Variants in MAN2A1 observed in about 807,000 individuals in gnomAD.
The protein encoded by MAN2A1 is mannosidase alpha class 2A member 1, also known as alpha-mannosidase 2.
Under a neutral mutation model 142.6 loss-of-function variants are expected in MAN2A1, and 76 were observed. The ratio of observed to expected loss-of-function variants is 0.53; its 90% CI spans 0.44 to 0.65. MAN2A1 has a LOEUF of 0.65. Among genes scored for constraint, MAN2A1 ranks in the 30% least tolerant of loss-of-function variants. The probability of loss-of-function intolerance (pLI) is 0.00; values close to 1 mark genes in which losing one functional copy is unlikely to be tolerated. For synonymous variants in MAN2A1, 559 were observed against 473.2 expected (o/e 1.18, Z -2.35); for missense variants, 1,311 against 1,365.1 (o/e 0.96, Z 0.62).
At chr5:109,792,607 A>C (rs981097211) in intron 12 of MAN2A1, among the ~76,000 whole-genome samples, 1 of 152,144 alleles carries the variant, frequency 6.6e-6, no homozygotes, top group African/African-American at 2.4e-5. Flanking sequence ...CTAAAACTTA[A>C]TGTCTTAAAT....
At chr5:109,794,930 A>G (rs959902380) in intron 12 of MAN2A1, among the ~76,000 whole-genome samples, 1 of 151,910 alleles carries the variant, frequency 6.6e-6, no homozygotes, top group Non-Finnish European at 1.5e-5. Context: ...ATCCAGAAGC[A>G]CTTTTCATCT....
intron 12 of MAN2A1, among the ~76,000 whole-genome samples, chr5:109,796,637 C>A (rs1024495365): frequency 1.2e-4 from 19 of 152,134 alleles, no homozygotes; most frequent in Non-Finnish European, 4.4e-5. Context: ...AAGGAAATTG[C>A]TGTTGGTGGT....
chr5:109,741,864 C>T (rs1181934079), intron 4 of MAN2A1, among the ~76,000 whole-genome samples: 1 of 152,138 alleles, frequency 6.6e-6, no homozygotes, highest in Non-Finnish European at 1.5e-5. Context: ...AATCATAGTA[C>T]CTACTGGTAA....
chr5:109,774,537 T>C (rs13163089), intron 7 of MAN2A1, among the ~76,000 whole-genome samples: 26,353 of 152,010 alleles, frequency 0.17, 3,261 homozygotes, highest in East Asian at 0.64. Flanking sequence ...AGATAATCCA[T>C]TGGAAACCTA....
intron 19 of MAN2A1, among the ~76,000 whole-genome samples, chr5:109,852,192 G>T (rs2416222): frequency 0.69 from 104,738 of 151,476 alleles, 37,206 homozygotes; most frequent in East Asian, 0.9. Flanking sequence ...CAAAATGTGT[G>T]ATCTACAAAT....
Position 109,767,837 on chromosome 5 carries a change from C to G in MAN2A1, c.1009+129C>G, listed in dbSNP as rs1753035055. 3 of 689,748 alleles carry G rather than the reference C, an allele frequency of 4.3e-6. No individual in the cohort carries two copies. In the South Asian group the frequency reaches 6.6e-5, roughly 15 times the overall value. 42.7% of individuals were successfully genotyped at this position (689,748 alleles called of 1,614,324 possible). On this transcript the variant is annotated intron_variant, in intron 6 of 21. Coordinates refer to ENST00000261483, the MANE Select transcript of MAN2A1 (RefSeq NM_002372.4). ...AAATCAGGTGGCCTAAAGATAGTCA[C>G]TCTCGTAATTATTTTTCCCATGTGC...
At chr5:109,745,855 G>C (rs1356894200) in intron 4 of MAN2A1, among the ~76,000 whole-genome samples, 3 of 152,198 alleles carry the variant, frequency 2.0e-5, no homozygotes, top group Non-Finnish European at 1.5e-5. Context: ...GGCCTGAGGT[G>C]ATCCTCCTGC....
chr5:109,781,190 T>G (rs1753445974), intron 8 of MAN2A1, among the ~76,000 whole-genome samples: 1 of 152,164 alleles, frequency 6.6e-6, no homozygotes, highest in African/African-American at 2.4e-5. Context: ...AAGTTTTCCC[T>G]TAGTTTAATT....
chr5:109,846,915 A>G (rs1462748712), intron 18 of MAN2A1, among the ~76,000 whole-genome samples: 1 of 152,212 alleles, frequency 6.6e-6, no homozygotes, highest in African/African-American at 2.4e-5. Flanking sequence ...AGGGAGGGTT[A>G]GAGACTTGAG....
At chr5:109,804,213 A>T (rs924084664) in intron 12 of MAN2A1, 1 of 987,082 alleles carries the variant, frequency 1.0e-6, no homozygotes, top group African/African-American at 1.7e-5. Flanking sequence ...AGGTATCCTG[A>T]TCCTGAAAAA....
intron 6 of MAN2A1, among the ~76,000 whole-genome samples, chr5:109,769,011 C>A (rs1561502434): frequency 6.6e-6 from 1 of 151,998 alleles, no homozygotes; most frequent in Non-Finnish European, 1.5e-5. Context: ...CGGATACAGC[C>A]AAATGTAGCA....
rs978034375 is a variant in MAN2A1, at chr5:109,781,701, G to T, written c.1577+103G>T. The T allele has an allele frequency of 5.8e-6, 4 of 683,900 alleles. No individual in the cohort carries two copies. In the South Asian group the frequency reaches 1.3e-4, roughly 23 times the overall value. 42.4% of individuals were successfully genotyped at this position (683,900 alleles called of 1,614,324 possible). A position where few individuals can be genotyped will look rare whatever the true frequency, so the allele number is the denominator to read the frequency against. ...ATACATCATTCATGTAGTACATTAT[G>T]TAGTGTTAAGCTCTAATTAAGCACT... On this transcript the variant is annotated intron_variant, in intron 9 of 21. Coordinates refer to ENST00000261483, the MANE Select transcript of MAN2A1 (RefSeq NM_002372.4).
intron 7 of MAN2A1, among the ~76,000 whole-genome samples, chr5:109,771,346 A>C (rs975819739): frequency 2.0e-5 from 3 of 152,196 alleles, no homozygotes; most frequent in Non-Finnish European, 4.4e-5. Flanking sequence ...TTTATTTTCA[A>C]AAGAGAAGTC....
chr5:109,784,918 T>C lies in MAN2A1; in HGVS notation c.1752T>C (p.Tyr584=). ...GTAKDWVVVD[Y]GTRLFHSLMV... is the part of the protein sequence containing the mutation. ...CAAAAGACTGGGTGGTTGTGGATTA[T>C]GGTACCAGGTAATCTAATTATAGAA... The change falls in exon 10 of 22, where the codon TAT becomes TAC. Residue 584 remains tyrosine, a synonymous_variant. Transcript: ENST00000261483. 6.3e-7 allele frequency: 1 copy of C among 1,579,404 alleles called. No individual in the cohort carries two copies. The highest frequency in any genetic ancestry group is 8.6e-7 in the Non-Finnish European group (1 of 1,168,398).
intron 7 of MAN2A1, among the ~76,000 whole-genome samples, chr5:109,773,427 T>C (rs763454631): frequency 1.3e-4 from 20 of 152,194 alleles, no homozygotes; most frequent in Non-Finnish European, 2.5e-4. Context: ...TTATATCTTA[T>C]ATCTATGATT....
chr5:109,735,899 T>TTTTC (rs1554074542), intron 4 of MAN2A1, among the ~76,000 whole-genome samples: 1 of 148,504 alleles, frequency 6.7e-6, no homozygotes. Context: ...TTTTTTTTTT[T>TTTTC]CCCTCTTGAT....
At chr5:109,755,278 T>G in intron 4 of MAN2A1, 51 bp from the exon 5 acceptor site, 1 of 1,439,216 alleles carries the variant, frequency 6.9e-7, no homozygotes. Context: ...GTTTTTCATT[T>G]GAACTTTTCT....
chr5:109,790,347 A>G (rs578080598), intron 12 of MAN2A1, among the ~76,000 whole-genome samples: 1 of 151,920 alleles, frequency 6.6e-6, no homozygotes, highest in Non-Finnish European at 1.5e-5. Context: ...ATGTAAAAAG[A>G]ATTTATAGTT....
chr5:109,702,406 T>C (rs1751015142), intron 1 of MAN2A1, among the ~76,000 whole-genome samples: 2 of 150,938 alleles, frequency 1.3e-5, no homozygotes, highest in South Asian at 4.2e-4. Flanking sequence ...GAGAGAGATT[T>C]ATTAAGGATC....
Sources: allele counts gnomAD v4.1 joint callset (sites outside exome capture counted in the v4.1 genomes callset), GRCh38; gene constraint gnomAD v4.1.1; transcripts MANE v1.5; gene names NCBI Gene and HGNC (gene_info 2026-07-23, HGNC 2026-07-21).